Variants in SDHA observed in about 807,000 individuals in gnomAD.
SDHA encodes succinate dehydrogenase [ubiquinone] flavoprotein subunit, mitochondrial.
In SDHA, 48 loss-of-function variants were observed where a neutral mutation model predicts 78.4. The observed-to-expected ratio is 0.61, with a 90% CI of 0.49 to 0.78. SDHA has a LOEUF of 0.78. Among genes scored for constraint, SDHA ranks in the 30% least tolerant of loss-of-function variants. The pLI is 0.00. For missense variants in SDHA, 680 were observed against 892.7 expected, an observed-to-expected ratio of 0.76 and a Z score of 3.04; for synonymous variants, 326 against 353.9, an observed-to-expected ratio of 0.92 and a Z score of 0.88.
downstream of SDHA, among the ~76,000 whole-genome samples, chr5:258,476 T>G (rs1198961838): frequency 8.5e-6 from 1 of 117,822 alleles, no homozygotes; most frequent in Non-Finnish European, 1.6e-5. Context: ...CCGTGTGAGC[T>G]CCACCCCCTG....
chr5:251,541 A>G (rs750493710), intron 13 of SDHA, 73 bp downstream of exon 13: 1 of 1,609,352 alleles, frequency 6.2e-7, no homozygotes, highest in South Asian at 1.1e-5. Flanking sequence ...CCACCCCTGC[A>G]TTTTCTCTGC....
chr5:256,739 T>G lies in SDHA; in HGVS notation c.*319T>G, dbSNP rs1225806573. 2 of 357,616 alleles carry G rather than the reference T, an allele frequency of 5.6e-6. No homozygotes were observed. The highest frequency in any genetic ancestry group is 4.1e-5 in the African/African-American group (2 of 48,206). 22.2% of individuals were successfully genotyped at this position (357,616 alleles called of 1,614,324 possible). A position where few individuals can be genotyped will look rare whatever the true frequency, so the allele number is the denominator to read the frequency against. On this transcript the variant is annotated 3_prime_UTR_variant, in exon 15 of 15. Coordinates refer to ENST00000264932, the MANE Select transcript of SDHA (RefSeq NM_004168.4). ...TTTTACTGTTGTGACTTTAGTCATA[T>G]TTGTTGACCTAAAAATCAAATGTAA...
At chr5:248,248 C>T (rs1314447714) in intron 11 of SDHA, among the ~76,000 whole-genome samples, 3 of 152,148 alleles carry the variant, frequency 2.0e-5, no homozygotes, top group Admixed American at 2.0e-4. Context: ...TCCCGAGGAC[C>T]CCTCGGTTGC....
At position 250,978 on chromosome 5, in the gene SDHA, A is replaced by G. The variant is rs762315793; in HGVS notation, c.1552-14A>G. ...TATGGATTAAAAGTTTACAAATAAT[A>G]TTTTGTGCCACAGTCAATGCAAAAT... On this transcript the variant is annotated splice_polypyrimidine_tract_variant and intron_variant, in intron 11 of 14. Coordinates refer to ENST00000264932, the MANE Select transcript of SDHA (RefSeq NM_004168.4). The G allele has an allele frequency of 1.2e-6, 2 of 1,606,982 alleles. No individual in the cohort carries two copies. Among genetic ancestry groups the G allele is most frequent in the African/African-American group, 2.7e-5 (2 of 74,770 alleles).
chr5:226,122 C>T (rs528514697), intron 5 of SDHA, 75 bp downstream of exon 5: 299 of 1,521,742 alleles, frequency 2.0e-4, no homozygotes, highest in Middle Eastern at 5.5e-4. Context: ...AATGGGTTAG[C>T]GTGCCCAGTG....
chr5:253,120 A>G (rs1188871980), intron 13 of SDHA: 1 of 152,306 alleles, frequency 6.6e-6, no homozygotes, highest in African/African-American at 2.4e-5. Context: ...AACGACGGAA[A>G]GGGAAGCTTG....
At chr5:267,456 A>G in the SDHA span, among the ~76,000 whole-genome samples, 1 of 152,360 alleles carries the variant, frequency 6.6e-6, no homozygotes, top group East Asian at 1.9e-4. Context: ...TACAATGTAC[A>G]CTTGCATATG....
At position 235,216 on chromosome 5, in the gene SDHA, C is replaced by T; in HGVS notation, c.1137C>T (p.Arg379=). The T allele has an allele frequency of 6.2e-7, 1 of 1,613,998 alleles. No homozygotes were observed. Among genetic ancestry groups the T allele is most frequent in the Non-Finnish European group, 8.5e-7 (1 of 1,179,874 alleles). The part of the protein sequence containing the change: ...HHLPPEQLAT[R]LPGISETAMI... ...TACCTCCAGAGCAGCTGGCCACGCG[C>T]CTGCCTGGCATTTCAGAGACAGCCA... is the stretch of plus-strand genomic sequence containing the variant. The change falls in exon 9 of 15, where the codon CGC becomes CGT. Residue 379 remains arginine (R), a synonymous_variant. Coordinates refer to ENST00000264932, the MANE Select transcript of SDHA (RefSeq NM_004168.4).
At position 235,308 on chromosome 5, in the gene SDHA, T is replaced by C. The variant is rs1553999505; in HGVS notation, c.1229T>C (p.Met410Thr). Reference sequence around the variant, plus strand: ...GTCCTCCCCACCGTGCATTATAACATGGGCGGCATTCCCACCAACTACAAG... The same window carrying C: ...GTCCTCCCCACCGTGCATTATAACACGGGCGGCATTCCCACCAACTACAAG... ...IPVLPTVHYN[M>T]GGIPTNYKGQ... Residue 410 changes from methionine to threonine, a missense_variant, in exon 9 of 15, where the codon ATG becomes ACG. Transcript: ENST00000264932. 3 of 1,614,166 alleles carry C rather than the reference T, an allele frequency of 1.9e-6. No individual in the cohort carries two copies. Among genetic ancestry groups the C allele is most frequent in the South Asian group, 1.1e-5 (1 of 91,082 alleles).
the SDHA span, among the ~76,000 whole-genome samples, chr5:267,925 C>T: frequency 6.6e-6 from 1 of 152,160 alleles, no homozygotes; most frequent in Non-Finnish European, 1.5e-5. Context: ...CCCCTGGTGA[C>T]GGGACTCAGG....
downstream of SDHA, among the ~76,000 whole-genome samples, chr5:259,533 C>T (rs1365176618): frequency 1.9e-4 from 5 of 26,820 alleles, no homozygotes; most frequent in Non-Finnish European, 1.4e-4. Flanking sequence ...CTCCGCCTCC[C>T]GCCAGAGCAT....
intron 2 of SDHA, 25 bp from the exon 3 acceptor site, chr5:224,335 T>G: frequency 6.2e-7 from 1 of 1,610,464 alleles, no homozygotes; most frequent in Non-Finnish European, 8.5e-7. Context: ...AACATGTGAT[T>G]GACAGGTGAA....
At chr5:221,413 C>T (rs1415136332) in intron 1 of SDHA, among the ~76,000 whole-genome samples, 3 of 152,160 alleles carry the variant, frequency 2.0e-5, no homozygotes, top group Admixed American at 6.5e-5. Flanking sequence ...TTAGGTTCTT[C>T]GTTGGCTGCT....
chr5:235,404 G>T, intron 9 of SDHA, 65 bp downstream of exon 9: 4 of 1,467,716 alleles, frequency 2.7e-6, no homozygotes, highest in Non-Finnish European at 3.8e-6. Context: ...CCACCTCGCA[G>T]TTGTCTCTTT....
rs1737248788 is a variant in SDHA at position 256,997 on chromosome 5, G to T, written c.*577G>T. Among the ~76,000 whole-genome samples the T allele has an allele frequency of 6.9e-6, 1 of 144,950 alleles. No individual in the cohort carries two copies. Among genetic ancestry groups the T allele is most frequent in the Non-Finnish European group, 1.5e-5 (1 of 66,934 alleles). On this transcript the variant is annotated 3_prime_UTR_variant, in exon 15 of 15. Transcript: ENST00000264932. ...TTTATTTTGTAATTGTAGGGACAGG[G>T]TCTCACTGTGTTGCCTAGGCTGGTC...
In SDHA at chr5:226,444, C is replaced by T. The variant is rs557185741; in HGVS notation, c.621+397C>T. On this transcript the variant is annotated intron_variant, in intron 5 of 14. Coordinates refer to ENST00000264932, the MANE Select transcript of SDHA (RefSeq NM_004168.4). ...ACCAGAAGTTTGAGACCAGCCTGGA[C>T]AACATAGCAAGACCCTGTCTCTACA... Among the ~76,000 whole-genome samples, 9 of 152,130 alleles carry T rather than the reference C, an allele frequency of 5.9e-5. No homozygotes were observed. The East Asian group carries it at 1.7e-3, about 29-fold the overall frequency.
intron 11 of SDHA, among the ~76,000 whole-genome samples, chr5:248,895 TGTA>T (rs1380200727): frequency 1.1e-4 from 16 of 152,268 alleles, no homozygotes; most frequent in African/African-American, 3.6e-4. Context: ...ACCATGGCGG[TGTA>T]GTGGCACCTC....
intron 11 of SDHA, among the ~76,000 whole-genome samples, chr5:241,598 A>G (rs1363887673): frequency 6.6e-6 from 1 of 152,242 alleles, no homozygotes; most frequent in East Asian, 1.9e-4. Flanking sequence ...TGGTCAGTCT[A>G]AGAAACTGAA....
At chr5:241,335 A>G (rs995832033) in intron 11 of SDHA, among the ~76,000 whole-genome samples, 3 of 152,220 alleles carry the variant, frequency 2.0e-5, no homozygotes, top group Admixed American at 1.3e-4. Flanking sequence ...TGGTGCTTAC[A>G]TCTCAGGCCC....
Sources: gnomAD v4.1 joint callset for allele counts (sites outside exome capture counted in the v4.1 genomes callset) on GRCh38, gnomAD v4.1.1 for gene constraint, MANE v1.5 for transcripts, NCBI Gene and HGNC (gene_info 2026-07-23, HGNC 2026-07-21) for gene names.